BCAS3: variants seen among roughly 807,000 people sequenced by gnomAD.
The protein encoded by BCAS3 is BCAS3 microtubule associated cell migration factor, also known as BCAS4/BCAS3 fusion.
Under a neutral mutation model 116.1 loss-of-function variants are expected in BCAS3, and 53 were observed. That is an observed-to-expected ratio of 0.46 (90% CI 0.37 to 0.57). BCAS3 has a LOEUF of 0.57. Ranked by LOEUF, BCAS3 falls within the 20% of genes least tolerant of loss-of-function variation. The probability of loss-of-function intolerance (pLI) is 0.00; values close to 1 mark genes in which losing one functional copy is unlikely to be tolerated. For synonymous variants in BCAS3, 391 were observed against 408.2 expected (o/e 0.96, Z 0.51); for missense variants, 917 against 1,165.4 (o/e 0.79, Z 3.10).
chr17:61,117,777 C>G (rs570931520), intron 22 of BCAS3, among the ~76,000 whole-genome samples: 6 of 152,208 alleles, frequency 3.9e-5, no homozygotes, highest in Admixed American at 2.0e-4. Context: ...CCTGCCACCC[C>G]CTACATGCAT....
intron 2 of BCAS3, among the ~76,000 whole-genome samples, chr17:60,681,949 C>T (rs570798783): frequency 6.6e-6 from 1 of 152,226 alleles, no homozygotes; most frequent in East Asian, 1.9e-4. Context: ...AGGTTGGTCT[C>T]AAACTCCCAA....
At position 61,387,757 on chromosome 17, in the gene BCAS3, T is replaced by C. The variant is rs1028678452; in HGVS notation, c.2594-4220T>C. 1.3e-5 allele frequency among the ~76,000 whole-genome samples: 2 copies of C among 152,124 alleles called. No individual in the cohort carries two copies. The highest frequency in any genetic ancestry group is 4.8e-5 in the African/African-American group (2 of 41,428). On this transcript the variant is annotated intron_variant, in intron 23 of 23. Transcript: ENST00000407086. This position sits in a 1 kb window ranked among gnomAD's most constrained non-coding sequence, Gnocchi z 6.2. ...ACCCTGTGGCCCGCACCAGCACCCG[T>C]TCTTTCTTGGGGGATGGGGGTGGGA...
chr17:60,938,983 A>G lies in BCAS3; in HGVS notation c.1088-8236A>G, dbSNP rs948916461. 2.0e-5 allele frequency among the ~76,000 whole-genome samples: 3 copies of G among 152,232 alleles called. No individual in the cohort carries two copies. The East Asian group carries it at 5.8e-4, about 29-fold the overall frequency. ...AGCTTGTGAGAATGTAAAATTATAC[A>G]ACCACATTGGAAAATAGTTTGGCAG... On this transcript the variant is annotated intron_variant, in intron 13 of 23. Transcript: ENST00000407086.
At chr17:61,164,295 C>G (rs189938471) in intron 22 of BCAS3, among the ~76,000 whole-genome samples, 399 of 152,042 alleles carry the variant, frequency 2.6e-3, no homozygotes, top group Non-Finnish European at 4.4e-3. Context: ...TTCAATATGT[C>G]CCCAAAGTTC....
intron 14 of BCAS3, among the ~76,000 whole-genome samples, chr17:60,987,967 T>C (rs1054223027): frequency 6.6e-6 from 1 of 152,150 alleles, no homozygotes; most frequent in Non-Finnish European, 1.5e-5. Context: ...GGGTCCATTG[T>C]ACATGGCTTT....
At position 61,251,058 on chromosome 17, in the gene BCAS3, G is replaced by T. The variant is rs904394305; in HGVS notation, c.2426-117269G>T. Among the ~76,000 whole-genome samples the T allele has an allele frequency of 6.6e-6, 1 of 152,058 alleles. No homozygotes were observed. Among genetic ancestry groups the T allele is most frequent in the African/African-American group, 2.4e-5 (1 of 41,402 alleles). On this transcript the variant is annotated intron_variant, in intron 22 of 23. Transcript: ENST00000407086. This position sits in a 1 kb window ranked among gnomAD's most constrained non-coding sequence, Gnocchi z 4.7. ...GAAACACCCTCATCCCTCCAGCCCT[G>T]CCCCCAGGAAACCCTTCATTCAGAA...
chr17:60,857,773 A>T (rs1261056490), intron 7 of BCAS3, among the ~76,000 whole-genome samples: 1 of 152,188 alleles, frequency 6.6e-6, no homozygotes, highest in African/African-American at 2.4e-5. Flanking sequence ...TGAATGTGTG[A>T]ATTTGTGAAG....
intron 6 of BCAS3, among the ~76,000 whole-genome samples, chr17:60,750,023 C>T (rs925975933): frequency 1.1e-4 from 17 of 151,946 alleles, no homozygotes; most frequent in Admixed American, 2.0e-4. Flanking sequence ...AAAAATTAGC[C>T]GAGCATGGTG....
intron 4 of BCAS3, among the ~76,000 whole-genome samples, chr17:60,695,625 G>A (rs1377695747): frequency 6.6e-6 from 1 of 152,072 alleles, no homozygotes; most frequent in Admixed American, 6.6e-5. Flanking sequence ...TTAGAGACAA[G>A]TCTTGCTGTG....
At chr17:60,905,134 G>A (rs2058121147) in intron 11 of BCAS3, among the ~76,000 whole-genome samples, 1 of 152,078 alleles carries the variant, frequency 6.6e-6, no homozygotes, top group Non-Finnish European at 1.5e-5. Flanking sequence ...TTGTGTCACA[G>A]TCCATTTGGA....
intron 22 of BCAS3, among the ~76,000 whole-genome samples, chr17:61,100,314 A>G (rs1408074426): frequency 1.3e-5 from 2 of 152,140 alleles, no homozygotes; most frequent in African/African-American, 2.4e-5. Flanking sequence ...TCCTTTTCCT[A>G]TGTTAGAAAT....
Position 61,243,920 on chromosome 17 carries a change from G to A in BCAS3, c.2426-124407G>A, listed in dbSNP as rs77412698. On this transcript the variant is annotated intron_variant, in intron 22 of 23. Transcript: ENST00000407086. The surrounding 1 kb of genome is among the most constrained non-coding windows in gnomAD (Gnocchi z 5.6). ...CCCACCTGGGCCTCCCAAGTAGCTG[G>A]GAATATCAGTGTGCACTACCACAAC... 0.016 allele frequency among the ~76,000 whole-genome samples: 2,482 copies of A among 152,068 alleles called. 32 individuals are homozygous for A. The highest frequency in any genetic ancestry group is 0.025 in the Non-Finnish European group (1,696 of 67,984).
intron 6 of BCAS3, among the ~76,000 whole-genome samples, chr17:60,769,930 A>T (rs376251241): frequency 5.3e-5 from 8 of 151,956 alleles, no homozygotes; most frequent in African/African-American, 1.9e-4. Flanking sequence ...GCCCGCCACC[A>T]TGCCCAGCTA....
intron 22 of BCAS3, among the ~76,000 whole-genome samples, chr17:61,107,663 A>G (rs1284738384): frequency 6.6e-6 from 1 of 152,206 alleles, no homozygotes; most frequent in Non-Finnish European, 1.5e-5. Flanking sequence ...TTTGAGGTCC[A>G]TCCAAGTTAT....
chr17:61,045,852 T>TCC (rs1568210153), intron 19 of BCAS3, among the ~76,000 whole-genome samples: 2 of 492 alleles, frequency 4.1e-3, no homozygotes, highest in Non-Finnish European at 0.015. Context: ...TCTCTCTCTA[T>TCC]ATATATATAT....
At chr17:60,854,602 T>C (rs1012253836) in intron 7 of BCAS3, among the ~76,000 whole-genome samples, 3 of 152,154 alleles carry the variant, frequency 2.0e-5, no homozygotes, top group African/African-American at 7.2e-5. Context: ...AAATGCTCAT[T>C]ATCACTGGCC....
At chr17:60,936,795 C>T (rs2059954953) in intron 13 of BCAS3, among the ~76,000 whole-genome samples, 1 of 151,988 alleles carries the variant, frequency 6.6e-6, no homozygotes, top group Admixed American at 6.6e-5. Context: ...AAAATTTTCT[C>T]CCATTCTGTA....
chr17:61,040,679 T>C, intron 18 of BCAS3, 113 bp from the exon 19 acceptor site: 3 of 839,650 alleles, frequency 3.6e-6, no homozygotes. Flanking sequence ...TTCATTTTAA[T>C]GATCACAAAA....
At chr17:60,871,352 T>C (rs1567755855) in intron 8 of BCAS3, among the ~76,000 whole-genome samples, 1 of 152,112 alleles carries the variant, frequency 6.6e-6, no homozygotes, top group Non-Finnish European at 1.5e-5. Flanking sequence ...ATTTTTTTTG[T>C]AGAGACAAGG....
Sources: allele counts gnomAD v4.1 joint callset (sites outside exome capture counted in the v4.1 genomes callset), GRCh38; gene constraint gnomAD v4.1.1; non-coding constraint Gnocchi (gnomAD v3.1); transcripts MANE v1.5; gene names NCBI Gene and HGNC (gene_info 2026-07-23, HGNC 2026-07-21).